Variants in TENM2 observed in about 807,000 individuals in gnomAD.
TENM2 encodes the protein teneurin transmembrane protein 2.
A neutral mutation model predicts 245.2 loss-of-function variants in TENM2; 52 were observed. The ratio of observed to expected loss-of-function variants is 0.21; its 90% CI spans 0.17 to 0.27. TENM2 has a LOEUF of 0.27. TENM2 is among the 10% of genes least tolerant of loss of function. The pLI, the probability that TENM2 is intolerant of heterozygous loss-of-function variation, is 1.00. For synonymous variants in TENM2, 1,363 were observed against 1,438.9 expected, an observed-to-expected ratio of 0.95 and a Z score of 1.19; for missense variants, 3,046 against 3,666.8, an observed-to-expected ratio of 0.83 and a Z score of 4.37.
chr5:167,332,157 G>GA (rs1360390400), intron 1 of TENM2, among the ~76,000 whole-genome samples: 1 of 152,010 alleles, frequency 6.6e-6, no homozygotes, highest in African/African-American at 2.4e-5. Context: ...ATAATTACAG[G>GA]AAAAAAATTT....
chr5:167,158,517 A>G, the TENM2 span, among the ~76,000 whole-genome samples: 1 of 152,176 alleles, frequency 6.6e-6, no homozygotes, highest in Non-Finnish European at 1.5e-5. Context: ...GGCTTCAACG[A>G]AAAAGCATTA....
the TENM2 span, among the ~76,000 whole-genome samples, chr5:167,007,916 G>A: frequency 6.6e-6 from 1 of 152,078 alleles, no homozygotes; most frequent in Non-Finnish European, 1.5e-5. This position sits in a 1 kb window ranked among gnomAD's most constrained non-coding sequence, Gnocchi z 4.2. Flanking sequence ...ACTAACAGGT[G>A]CAGGGCTCTA....
intron 12 of TENM2, among the ~76,000 whole-genome samples, chr5:168,154,222 CTT>C (rs201595854): frequency 6.8e-6 from 1 of 146,060 alleles, no homozygotes; most frequent in Non-Finnish European, 1.5e-5. Flanking sequence ...TTCCTTTCTC[CTT>C]TTTTTTGAGA....
the TENM2 span, among the ~76,000 whole-genome samples, chr5:167,174,188 G>A: frequency 2.6e-5 from 4 of 151,010 alleles, no homozygotes; most frequent in South Asian, 2.1e-4. Flanking sequence ...GAATTTCTGC[G>A]TGTTTCATTC....
intron 5 of TENM2, among the ~76,000 whole-genome samples, chr5:168,039,407 G>A (rs1452545754): frequency 2.0e-5 from 3 of 152,008 alleles, no homozygotes; most frequent in Non-Finnish European, 1.5e-5. Context: ...TGTGTATTGT[G>A]GGGATGTGTT....
intron 1 of TENM2, among the ~76,000 whole-genome samples, chr5:167,323,619 G>GTA (rs1370499986): frequency 6.6e-6 from 1 of 152,134 alleles, no homozygotes; most frequent in Non-Finnish European, 1.5e-5. Flanking sequence ...ATTGAGAAGA[G>GTA]TAGAAAAAGA....
intron 2 of TENM2, among the ~76,000 whole-genome samples, chr5:167,835,129 G>T (rs1410062315): frequency 6.6e-6 from 1 of 152,190 alleles, no homozygotes; most frequent in Non-Finnish European, 1.5e-5. Flanking sequence ...CCACATCATA[G>T]GGTCATGGTG....
chr5:167,795,490 C>T (rs1473333899), intron 2 of TENM2, among the ~76,000 whole-genome samples: 1 of 152,050 alleles, frequency 6.6e-6, no homozygotes, highest in Non-Finnish European at 1.5e-5. Flanking sequence ...GAGAAATCCA[C>T]ATTAAATTAA....
At chr5:167,451,317 A>G (rs563907408) in intron 2 of TENM2, among the ~76,000 whole-genome samples, 1 of 152,294 alleles carries the variant, frequency 6.6e-6, no homozygotes, top group African/African-American at 2.4e-5. Context: ...GGTTTCAATT[A>G]CAGTTTTATA....
chr5:167,518,358 A>C (rs1394962785), intron 2 of TENM2, among the ~76,000 whole-genome samples: 1 of 152,070 alleles, frequency 6.6e-6, no homozygotes, highest in Non-Finnish European at 1.5e-5. Flanking sequence ...CTTCCTTTGC[A>C]TTACAAGAGA....
intron 3 of TENM2, among the ~76,000 whole-genome samples, chr5:167,929,240 A>G (rs1404687096): frequency 6.7e-6 from 1 of 149,132 alleles, no homozygotes; most frequent in Non-Finnish European, 1.5e-5. Flanking sequence ...GGAGGAAGGC[A>G]GGCAGGCAGG....
chr5:167,583,018 C>G (rs1229371666), intron 2 of TENM2, among the ~76,000 whole-genome samples: 1 of 152,170 alleles, frequency 6.6e-6, no homozygotes, highest in Non-Finnish European at 1.5e-5. Context: ...ACTTGCTGCA[C>G]AGTTGAGCAT....
At chr5:168,211,614 GAA>G (rs1404048532) in intron 19 of TENM2, 118 bp from the exon 22 acceptor site, 3 of 643,906 alleles carry the variant, frequency 4.7e-6, no homozygotes, top group Non-Finnish European at 5.3e-6. Flanking sequence ...GGGGAAAAAA[GAA>G]AAAGACTGCC....
the TENM2 span, among the ~76,000 whole-genome samples, chr5:167,070,433 T>C: frequency 6.6e-6 from 1 of 151,900 alleles, no homozygotes; most frequent in African/African-American, 2.4e-5. Flanking sequence ...CCAGCCTCAT[T>C]TGAGAAATAT....
intron 2 of TENM2, among the ~76,000 whole-genome samples, chr5:167,428,821 T>A (rs1764036802): frequency 6.6e-6 from 1 of 152,182 alleles, no homozygotes; most frequent in South Asian, 2.1e-4. Flanking sequence ...GAGACAAGAA[T>A]GTATTTCTTC....
At chr5:167,125,438 G>A in the TENM2 span, among the ~76,000 whole-genome samples, 31 of 152,258 alleles carry the variant, frequency 2.0e-4, 1 homozygote, top group East Asian at 4.1e-3. Flanking sequence ...GAGTTGGAGC[G>A]GAATTTTGTA....
At chr5:167,198,871 AT>A in the TENM2 span, among the ~76,000 whole-genome samples, 14 of 151,946 alleles carry the variant, frequency 9.2e-5, no homozygotes, top group Non-Finnish European at 2.1e-4. Flanking sequence ...GGGGGGATCG[AT>A]TTCAGTGTTT....
the TENM2 span, among the ~76,000 whole-genome samples, chr5:167,088,562 G>T: frequency 2.0e-5 from 3 of 151,952 alleles, no homozygotes; most frequent in Non-Finnish European, 1.5e-5. Context: ...GGGAGGCGGA[G>T]GTTGCAGTGA....
At chr5:167,130,201 TG>T in the TENM2 span, among the ~76,000 whole-genome samples, 1 of 152,228 alleles carries the variant, frequency 6.6e-6, no homozygotes, top group African/African-American at 2.4e-5. Flanking sequence ...AGTAACACTA[TG>T]TAAAGAATAA....
Sources: gnomAD v4.1 joint callset for allele counts (sites outside exome capture counted in the v4.1 genomes callset) on GRCh38, gnomAD v4.1.1 for gene constraint, Gnocchi (gnomAD v3.1) non-coding constraint, MANE v1.5 for transcripts, NCBI Gene and HGNC (gene_info 2026-07-23, HGNC 2026-07-21) for gene names.